Variants in CD247 observed in about 807,000 individuals in gnomAD.
CD247 encodes the protein CD247 molecule.
A neutral mutation model predicts 30.0 loss-of-function variants in CD247; 13 were observed. The observed-to-expected ratio is 0.43, with a 90% CI of 0.28 to 0.69. CD247 has a LOEUF of 0.69. CD247 is among the 30% of genes least tolerant of loss of function. The probability of loss-of-function intolerance (pLI) is 0.16; values close to 1 mark genes in which losing one functional copy is unlikely to be tolerated. For synonymous variants in CD247, 72 were observed against 80.0 expected, an observed-to-expected ratio of 0.90 and a Z score of 0.53; for missense variants, 193 against 212.6, an observed-to-expected ratio of 0.91 and a Z score of 0.57.
chr1:167,440,131 G>C (rs1284468841), intron 2 of CD247: 3 of 170,172 alleles, frequency 1.8e-5, no homozygotes, highest in African/African-American at 7.2e-5. Flanking sequence ...AATGGGTTGA[G>C]AAGCACTGAA....
At chr1:167,434,489 CG>C in intron 5 of CD247, 1 of 353,928 alleles carries the variant, frequency 2.8e-6, no homozygotes. Flanking sequence ...ACAGGAGGGG[CG>C]GGGAGGCATC....
At chr1:167,444,442 A>G (rs1433290223) in intron 1 of CD247, among the ~76,000 whole-genome samples, 1 of 152,196 alleles carries the variant, frequency 6.6e-6, no homozygotes, top group Non-Finnish European at 1.5e-5. Flanking sequence ...ATTACATGGT[A>G]GCTACTTTTC....
chr1:167,445,136 G>C (rs973421441), intron 1 of CD247, among the ~76,000 whole-genome samples: 10 of 152,106 alleles, frequency 6.6e-5, no homozygotes, highest in Admixed American at 2.0e-4. Flanking sequence ...ATGTTGGTCA[G>C]GCTGGTCTCA....
chr1:167,490,744 G>A (rs949330464), intron 1 of CD247, among the ~76,000 whole-genome samples: 2 of 152,010 alleles, frequency 1.3e-5, no homozygotes, highest in Non-Finnish European at 2.9e-5. Context: ...ACCAGCCTTC[G>A]TCTCTACTAA....
At chr1:167,472,608 G>A (rs1653578120) in intron 1 of CD247, among the ~76,000 whole-genome samples, 1 of 152,112 alleles carries the variant, frequency 6.6e-6, no homozygotes, top group Non-Finnish European at 1.5e-5. Context: ...GGGTGAGGGA[G>A]GGTATTGTTG....
chr1:167,449,149 C>CTTTTTTTTTTTTT (rs71097676), intron 1 of CD247, among the ~76,000 whole-genome samples: 31 of 66,394 alleles, frequency 4.7e-4, no homozygotes, highest in South Asian at 6.5e-4. Flanking sequence ...TTTTTCTTTT[C>CTTTTTTTTTTTTT]TTTTTTTTTT....
intron 1 of CD247, among the ~76,000 whole-genome samples, chr1:167,451,368 G>A (rs1652346705): frequency 6.6e-6 from 1 of 152,144 alleles, no homozygotes; most frequent in African/African-American, 2.4e-5. Flanking sequence ...CAGTTGCCTT[G>A]GGCCCCTGGG....
chr1:167,507,341 G>A (rs1655186697), intron 1 of CD247, among the ~76,000 whole-genome samples: 1 of 152,072 alleles, frequency 6.6e-6, no homozygotes, highest in African/African-American at 2.4e-5. Flanking sequence ...GGGAAAACAT[G>A]GAGAGCCAGG....
At chr1:167,434,707 CCCCAGGCTG>C (rs1651445121) in intron 5 of CD247, 4 of 441,888 alleles carry the variant, frequency 9.1e-6, no homozygotes, top group Non-Finnish European at 1.8e-5. Flanking sequence ...TCCCCCTACA[CCCCAGGCTG>C]ATCAACCTGG....
At chr1:167,505,045 T>A (rs1372553842) in intron 1 of CD247, among the ~76,000 whole-genome samples, 1 of 152,234 alleles carries the variant, frequency 6.6e-6, no homozygotes. Flanking sequence ...TATATTTACA[T>A]ATTATTATAA....
intron 1 of CD247, among the ~76,000 whole-genome samples, chr1:167,462,719 G>C (rs915968670): frequency 9.2e-5 from 14 of 152,148 alleles, no homozygotes; most frequent in Non-Finnish European, 1.6e-4. Flanking sequence ...CCAGTAAAAG[G>C]GGGCCAGGGC....
At position 167,518,477 on chromosome 1, in the gene CD247, C is replaced by G. The variant is rs769967796; in HGVS notation, c.-12G>C. 30 of 1,613,652 alleles carry G rather than the reference C, an allele frequency of 1.9e-5. No individual in the cohort carries two copies. Among genetic ancestry groups the G allele is most frequent in the Non-Finnish European group, 2.5e-5 (29 of 1,179,868 alleles). ...GCCTTCCACTTCATCTTGTCCTTTC[C>G]CTCAGAAAGAGGCTGGGAGGCAGAG... On this transcript the variant is annotated 5_prime_UTR_variant, in exon 1 of 8. Transcript: ENST00000362089.
chr1:167,459,671 A>G (rs1161340326), intron 1 of CD247: 1 of 152,116 alleles, frequency 6.6e-6, no homozygotes, highest in African/African-American at 2.4e-5. Context: ...CCTTTTTTAC[A>G]TTAACAACTG....
chr1:167,489,899 C>T (rs1241429406), intron 1 of CD247, among the ~76,000 whole-genome samples: 2 of 152,182 alleles, frequency 1.3e-5, no homozygotes, highest in Non-Finnish European at 2.9e-5. Context: ...GAATACCACC[C>T]AGTTCGGCCT....
At chr1:167,487,065 C>A (rs1320185916) in intron 1 of CD247, among the ~76,000 whole-genome samples, 1 of 138,290 alleles carries the variant, frequency 7.2e-6, no homozygotes, top group African/African-American at 2.7e-5. Context: ...CAGAGCAAGA[C>A]TCCATTTCAA....
At chr1:167,439,601 TCCCG>T in intron 2 of CD247, 1 of 599,348 alleles carries the variant, frequency 1.7e-6, no homozygotes, top group Admixed American at 2.8e-5. Context: ...TCCTTTTTCC[TCCCG>T]CCTGTGACAC....
chr1:167,475,614 C>A (rs1246203874), intron 1 of CD247, among the ~76,000 whole-genome samples: 1 of 152,132 alleles, frequency 6.6e-6, no homozygotes, highest in Non-Finnish European at 1.5e-5. Flanking sequence ...AGTACAATAA[C>A]CACCTTGAAA....
intron 1 of CD247, among the ~76,000 whole-genome samples, chr1:167,508,332 A>G (rs1655237644): frequency 6.6e-6 from 1 of 152,224 alleles, no homozygotes; most frequent in East Asian, 1.9e-4. Context: ...ACATTTAACA[A>G]TACAGCATTT....
At chr1:167,437,362 G>C (rs1651596200) in intron 4 of CD247, among the ~76,000 whole-genome samples, 1 of 151,644 alleles carries the variant, frequency 6.6e-6, no homozygotes, top group African/African-American at 2.4e-5. Context: ...CCGAGACTGT[G>C]CCGTTGCACC....
Sources: allele counts gnomAD v4.1 joint callset (sites outside exome capture counted in the v4.1 genomes callset), GRCh38; gene constraint gnomAD v4.1.1; transcripts MANE v1.5; gene names NCBI Gene and HGNC (gene_info 2026-07-23, HGNC 2026-07-21).